Variants in SYNE1 observed in about 807,000 individuals in gnomAD.
SYNE1 encodes spectrin repeat containing nuclear envelope protein 1.
Under a neutral mutation model 1,111.0 loss-of-function variants are expected in SYNE1, and 616 were observed. The ratio of observed to expected loss-of-function variants is 0.55; its 90% CI spans 0.52 to 0.59. The LOEUF (loss-of-function observed/expected upper bound fraction) is 0.59. SYNE1 is among the 20% of genes least tolerant of loss of function. The probability of loss-of-function intolerance (pLI) is 0.00; values close to 1 mark genes in which losing one functional copy is unlikely to be tolerated. For missense variants in SYNE1, 10,006 were observed against 10,417.0 expected (o/e 0.96, Z 1.72); for synonymous variants, 3,855 against 3,825.8 (o/e 1.01, Z -0.28).
chr6:152,139,911 C>G, intron 140 of SYNE1, 39 bp downstream of exon 140: 2 of 1,578,034 alleles, frequency 1.3e-6, no homozygotes, highest in Non-Finnish European at 1.7e-6. Context: ...CGCGGTGGCT[C>G]TCTGTTTGTC....
At chr6:152,179,436 T>C (rs920749614) in intron 129 of SYNE1, 4 of 151,284 alleles carry the variant, frequency 2.6e-5, no homozygotes, top group Non-Finnish European at 5.9e-5. Flanking sequence ...AAGAATGTTT[T>C]CTTTCAGTTT....
chr6:152,464,854 G>T (rs2098755032), intron 18 of SYNE1: 1 of 272,834 alleles, frequency 3.7e-6, no homozygotes, highest in South Asian at 4.2e-5. Flanking sequence ...TATCTAACGA[G>T]ATACAAATGT....
chr6:152,129,353 G>A (rs1327494480), intron 145 of SYNE1: 2 of 152,130 alleles, frequency 1.3e-5, no homozygotes, highest in Non-Finnish European at 2.9e-5. Context: ...AATGCTGTGG[G>A]GATATTCTTC....
chr6:152,228,136 T>C (rs2082017036), intron 115 of SYNE1, among the ~76,000 whole-genome samples: 1 of 152,176 alleles, frequency 6.6e-6, no homozygotes, highest in South Asian at 2.1e-4. Context: ...AAAAACAATT[T>C]CTCAAAAATG....
At chr6:152,168,027 T>C (rs750733379) in intron 130 of SYNE1, 6 of 780,308 alleles carry the variant, frequency 7.7e-6, no homozygotes, top group Non-Finnish European at 1.4e-5. Context: ...AAAACAGTTC[T>C]GGATTAAGGC....
intron 95 of SYNE1, among the ~76,000 whole-genome samples, chr6:152,292,832 C>A (rs556904012): frequency 2.9e-4 from 44 of 152,346 alleles, no homozygotes; most frequent in African/African-American, 1.1e-3. Flanking sequence ...GCAGCATTTT[C>A]CTACCTCACG....
At chr6:152,395,159 A>G (rs1215962299) in intron 51 of SYNE1, among the ~76,000 whole-genome samples, 1 of 151,812 alleles carries the variant, frequency 6.6e-6, no homozygotes, top group Admixed American at 6.6e-5. Flanking sequence ...TCAGCTTCAC[A>G]TTATGTTAAT....
At chr6:152,337,490 C>A (rs546474072) in intron 75 of SYNE1, among the ~76,000 whole-genome samples, 1 of 152,106 alleles carries the variant, frequency 6.6e-6, no homozygotes, top group Non-Finnish European at 1.5e-5. Flanking sequence ...GGTTTCTCTA[C>A]GTTGGTCAGG....
chr6:152,349,081 T>C (rs1382923386), intron 72 of SYNE1, among the ~76,000 whole-genome samples: 1 of 152,210 alleles, frequency 6.6e-6, no homozygotes, highest in East Asian at 1.9e-4. Context: ...GACAGAAATG[T>C]TGCAGCCCAG....
At chr6:152,452,674 G>A (rs1018733964) in intron 25 of SYNE1, among the ~76,000 whole-genome samples, 20 of 152,158 alleles carry the variant, frequency 1.3e-4, no homozygotes, top group Admixed American at 1.3e-3. Context: ...AGCTAGAGCT[G>A]TCTTCCTCCT....
intron 131 of SYNE1, among the ~76,000 whole-genome samples, chr6:152,157,168 A>ATGATGGTAATGAT (rs1305712844): frequency 6.6e-6 from 1 of 152,224 alleles, no homozygotes; most frequent in African/African-American, 2.4e-5. Context: ...ACCATCATTA[A>ATGATGGTAATGAT]AAGGTAACAT....
chr6:152,251,019 G>C (rs566173481), intron 104 of SYNE1, among the ~76,000 whole-genome samples: 1 of 152,154 alleles, frequency 6.6e-6, no homozygotes, highest in East Asian at 1.9e-4. Context: ...GCGCGATCTC[G>C]GCTCACTGGA....
intron 70 of SYNE1, 144 bp downstream of exon 70, chr6:152,351,883 T>C (rs1035558250): frequency 2.7e-6 from 2 of 735,152 alleles, no homozygotes; most frequent in Non-Finnish European, 4.7e-6. Context: ...CCATAGGTCA[T>C]GGCATCACTG....
intron 3 of SYNE1, among the ~76,000 whole-genome samples, chr6:152,574,203 C>CATAT (rs5880984): frequency 3.7e-4 from 53 of 144,722 alleles, no homozygotes; most frequent in Non-Finnish European, 4.4e-4. Flanking sequence ...TAAATATATA[C>CATAT]ATATATATAT....
intron 6 of SYNE1, among the ~76,000 whole-genome samples, chr6:152,517,764 C>T (rs981360959): frequency 2.0e-5 from 3 of 151,716 alleles, no homozygotes; most frequent in African/African-American, 7.3e-5. Context: ...GTAAGAAAGA[C>T]GGGGATATAT....
rs1286336540 is a variant in SYNE1 at position 152,144,177 on chromosome 6, AG to A, written c.24977-413del. ...TTCTTTCTGCTATCGCTTAGTGAGCAGGGGAAGATCCTCCCTCTGATTTTTC... is the reference window on the plus strand; with the variant it reads ...TTCTTTCTGCTATCGCTTAGTGAGCAGGGAAGATCCTCCCTCTGATTTTTC... On this transcript the variant is annotated intron_variant, in intron 137 of 145. Transcript: ENST00000367255. 1.3e-5 allele frequency: 4 copies of A among 298,356 alleles called. No homozygotes were observed. In the East Asian group the frequency reaches 3.5e-4, roughly 26 times the overall value. 18.5% of individuals were successfully genotyped at this position (298,356 alleles called of 1,614,324 possible).
chr6:152,579,601 C>G (rs1292438168), intron 3 of SYNE1, among the ~76,000 whole-genome samples: 1 of 152,042 alleles, frequency 6.6e-6, no homozygotes, highest in African/African-American at 2.4e-5. Flanking sequence ...GTTTACTATA[C>G]AGATTATTTT....
chr6:152,498,162 G>A (rs1007889837), intron 11 of SYNE1, among the ~76,000 whole-genome samples: 4 of 152,110 alleles, frequency 2.6e-5, no homozygotes, highest in African/African-American at 4.8e-5. Flanking sequence ...AAAGAAAAAC[G>A]GAAAAGCTGA....
At chr6:152,556,829 G>T (rs2099366812) in intron 3 of SYNE1, among the ~76,000 whole-genome samples, 1 of 152,170 alleles carries the variant, frequency 6.6e-6, no homozygotes, top group Non-Finnish European at 1.5e-5. Context: ...GCTAAGGCCA[G>T]TCTGAAGACT....
Sources: allele counts gnomAD v4.1 joint callset (sites outside exome capture counted in the v4.1 genomes callset), GRCh38; gene constraint gnomAD v4.1.1; transcripts MANE v1.5; gene names NCBI Gene and HGNC (gene_info 2026-07-23, HGNC 2026-07-21).